KPNA3: variants seen among roughly 807,000 people sequenced by gnomAD.
KPNA3 encodes karyopherin subunit alpha 3.
A neutral mutation model predicts 73.8 loss-of-function variants in KPNA3; 13 were observed. That is an observed-to-expected ratio of 0.18 (90% CI 0.11 to 0.28). The LOEUF is 0.28. Among genes scored for constraint, KPNA3 ranks in the 10% least tolerant of loss-of-function variants. KPNA3 has a pLI of 1.00. For synonymous variants in KPNA3, 186 were observed against 206.9 expected, an observed-to-expected ratio of 0.90 and a Z score of 0.87; for missense variants, 360 against 618.1, an observed-to-expected ratio of 0.58 and a Z score of 4.43.
chr13:49,734,926 T>C lies in KPNA3; in HGVS notation c.115-1880A>G, dbSNP rs1359221540. 9.4e-5 allele frequency among the ~76,000 whole-genome samples: 8 copies of C among 84,810 alleles called. 1 individual carries two copies. The highest frequency in any genetic ancestry group is 2.7e-4 in the African/African-American group (8 of 29,188). 55.6% of individuals were successfully genotyped at this position (84,810 alleles called of 152,430 possible). On this transcript the variant is annotated intron_variant, in intron 2 of 16. Coordinates refer to ENST00000261667, the MANE Select transcript of KPNA3 (RefSeq NM_002267.4). The stretch of plus-strand genomic sequence containing the variant: ...ATATATATATATATACACACACATA[T>C]ATATATATATATAGAGAGAGAGATA...
In KPNA3 at chr13:49,701,610, T is replaced by C. The variant is rs959109903; in HGVS notation, c.*190A>G. ...AAAACAGTTTAGGAAATCATGCATA[T>C]GCATTTACAGTCCATGTGATAGTGA... is the stretch of plus-strand genomic sequence containing the variant. On this transcript the variant is annotated 3_prime_UTR_variant, in exon 17 of 17. Transcript: ENST00000261667. 1.4e-6 allele frequency: 1 copy of C among 725,176 alleles called. No individual in the cohort carries two copies. Among genetic ancestry groups the C allele is most frequent in the Admixed American group, 1.9e-5 (1 of 52,292 alleles). 44.9% of individuals were successfully genotyped at this position (725,176 alleles called of 1,614,324 possible). A position where few individuals can be genotyped will look rare whatever the true frequency, so the allele number is the denominator to read the frequency against.
intron 10 of KPNA3, among the ~76,000 whole-genome samples, chr13:49,713,957 G>A (rs1485563687): frequency 6.6e-6 from 1 of 152,140 alleles, no homozygotes; most frequent in Admixed American, 6.5e-5. Context: ...ACCCGCCTCA[G>A]CCTCCCAAAG....
At chr13:49,758,879 C>T (rs1954734942) in intron 1 of KPNA3, among the ~76,000 whole-genome samples, 1 of 152,130 alleles carries the variant, frequency 6.6e-6, no homozygotes, top group Non-Finnish European at 1.5e-5. Flanking sequence ...GTGACCAAAT[C>T]AGTGAGTGCA....
At chr13:49,711,444 C>A (rs552321705) in intron 10 of KPNA3, among the ~76,000 whole-genome samples, 1 of 152,334 alleles carries the variant, frequency 6.6e-6, no homozygotes, top group African/African-American at 2.4e-5. Context: ...ATTTACTCTA[C>A]TGGTTTTCCA....
intron 1 of KPNA3, among the ~76,000 whole-genome samples, chr13:49,785,621 T>A (rs888812763): frequency 1.1e-4 from 17 of 151,840 alleles, no homozygotes; most frequent in African/African-American, 3.9e-4. Flanking sequence ...AGTCTACAGA[T>A]AAAAGAATCG....
At chr13:49,746,326 T>C (rs7998145) in intron 2 of KPNA3, among the ~76,000 whole-genome samples, 1 of 150,602 alleles carries the variant, frequency 6.6e-6, no homozygotes, top group Admixed American at 6.6e-5. Flanking sequence ...GGTGTGCCTG[T>C]ATTCACAGCT....
intron 10 of KPNA3, among the ~76,000 whole-genome samples, chr13:49,714,774 ATAAT>A (rs1342611606): frequency 6.6e-6 from 1 of 152,106 alleles, no homozygotes; most frequent in Admixed American, 6.5e-5. Flanking sequence ...TGGTATTAAC[ATAAT>A]TAAATTTAAT....
chr13:49,710,035 G>C (rs1008102257), intron 11 of KPNA3, among the ~76,000 whole-genome samples: 2 of 152,186 alleles, frequency 1.3e-5, no homozygotes, highest in African/African-American at 2.4e-5. Flanking sequence ...GCCGAGGCGG[G>C]GGGGATCACC....
intron 1 of KPNA3, among the ~76,000 whole-genome samples, chr13:49,749,937 T>C (rs1032329653): frequency 3.3e-5 from 5 of 152,314 alleles, no homozygotes; most frequent in South Asian, 4.1e-4. Flanking sequence ...CAGAAAAAGA[T>C]GGACTCCCTT....
intron 1 of KPNA3, among the ~76,000 whole-genome samples, chr13:49,751,178 T>C (rs994942297): frequency 9.2e-5 from 14 of 152,132 alleles, no homozygotes; most frequent in Non-Finnish European, 1.5e-5. Context: ...AATATACTTG[T>C]TCCCTTCCTA....
intron 1 of KPNA3, among the ~76,000 whole-genome samples, chr13:49,757,117 G>A (rs1954718098): frequency 6.6e-6 from 1 of 152,072 alleles, no homozygotes; most frequent in African/African-American, 2.4e-5. Context: ...TTGGGATCTG[G>A]GGCTAGGCAA....
chr13:49,729,577 G>T (rs911639702), intron 6 of KPNA3, among the ~76,000 whole-genome samples: 4 of 152,178 alleles, frequency 2.6e-5, no homozygotes, highest in Admixed American at 2.6e-4. Context: ...AAGGTCAGGA[G>T]ATCGAGACCA....
At chr13:49,792,335 G>T in intron 1 of KPNA3, 103 bp downstream of exon 1, 1 of 676,174 alleles carries the variant, frequency 1.5e-6, no homozygotes, top group South Asian at 5.8e-5. Flanking sequence ...AACTCCGGCC[G>T]ACCACAAGCC....
At chr13:49,730,544 AAAAAAAAAAAAGAAC>A (rs1954454922) in intron 6 of KPNA3, among the ~76,000 whole-genome samples, 2 of 145,574 alleles carry the variant, frequency 1.4e-5, no homozygotes, top group African/African-American at 2.5e-5. Context: ...AAAAAAAAAA[AAAAAAAAAAAAGAAC>A]AACTGGAGGG....
chr13:49,715,509 T>C (rs1405984947), intron 10 of KPNA3, among the ~76,000 whole-genome samples: 2 of 152,202 alleles, frequency 1.3e-5, no homozygotes, highest in Non-Finnish European at 1.5e-5. Context: ...ACACACTCTA[T>C]TGGCAAGGAT....
rs1398904679 is a variant in KPNA3, at chr13:49,715,002, A to G, written c.772-3980T>C. Among the ~76,000 whole-genome samples the G allele has an allele frequency of 5.3e-5, 8 of 152,132 alleles. No individual in the cohort carries two copies. The East Asian group carries it at 9.6e-4, about 18-fold the overall frequency. On this transcript the variant is annotated intron_variant, in intron 10 of 16. Transcript: ENST00000261667. ...TTCAATTTTTAAAAATATCATTAATATAAGTTTTATTAATAGATTTAAGGA... is the reference window on the plus strand; with the variant it reads ...TTCAATTTTTAAAAATATCATTAATGTAAGTTTTATTAATAGATTTAAGGA...
chr13:49,722,360 G>C, intron 8 of KPNA3, 117 bp downstream of exon 8: 2 of 713,978 alleles, frequency 2.8e-6, no homozygotes, highest in Non-Finnish European at 4.7e-6. Flanking sequence ...GTACTTATGA[G>C]GCAAGAAGAG....
At chr13:49,776,398 G>A (rs1954898547) in intron 1 of KPNA3, among the ~76,000 whole-genome samples, 1 of 152,140 alleles carries the variant, frequency 6.6e-6, no homozygotes, top group Non-Finnish European at 1.5e-5. Flanking sequence ...ATCTATTGAA[G>A]GATTCCAGCC....
rs144009603 is a variant in KPNA3 at position 49,715,922 on chromosome 13, G to A, written c.771+3853C>T. On this transcript the variant is annotated intron_variant, in intron 10 of 16. Transcript: ENST00000261667. ...ATAATAGTGTGTTTAAATAAACTGTGTCCACAAAACAGAATCCTGTGCAAA... is the reference window on the plus strand; with the variant it reads ...ATAATAGTGTGTTTAAATAAACTGTATCCACAAAACAGAATCCTGTGCAAA... 8.5e-5 allele frequency among the ~76,000 whole-genome samples: 13 copies of A among 152,310 alleles called. No individual in the cohort carries two copies. In the East Asian group the frequency reaches 2.5e-3, roughly 29 times the overall value.
Sources: gnomAD v4.1 joint callset for allele counts (sites outside exome capture counted in the v4.1 genomes callset) on GRCh38, gnomAD v4.1.1 for gene constraint, MANE v1.5 for transcripts, NCBI Gene and HGNC (gene_info 2026-07-23, HGNC 2026-07-21) for gene names.